The following USP3 variants were observed in gnomAD, a reference collection of about 807,000 sequenced individuals.
USP3 encodes ubiquitin specific peptidase 3.
Under a neutral mutation model 72.3 loss-of-function variants are expected in USP3, and 20 were observed. The observed-to-expected ratio is 0.28, with a 90% CI of 0.19 to 0.40. USP3 has a LOEUF of 0.40. Ranked by LOEUF, USP3 falls within the 10% of genes least tolerant of loss-of-function variation. The pLI is 1.00. For synonymous variants in USP3, 222 were observed against 225.3 expected, an observed-to-expected ratio of 0.99 and a Z score of 0.13; for missense variants, 479 against 633.9, an observed-to-expected ratio of 0.76 and a Z score of 2.62.
chr15:63,520,339 A>G (rs2065903355), intron 1 of USP3, among the ~76,000 whole-genome samples: 1 of 152,118 alleles, frequency 6.6e-6, no homozygotes, highest in Non-Finnish European at 1.5e-5. Context: ...CAATTCTATA[A>G]TCAGAGAAAA....
At position 63,537,060 on chromosome 15, in the gene USP3, A is replaced by G; in HGVS notation, c.188A>G (p.Asp63Gly). The G allele has an allele frequency of 1.2e-6, 2 of 1,614,046 alleles. No homozygotes were observed. The highest frequency in any genetic ancestry group is 1.7e-6 in the Non-Finnish European group (2 of 1,179,968). Residue 63 changes from aspartate (D) to glycine (G), a missense_variant, in exon 3 of 15, where the codon GAT becomes GGT. By Grantham distance (94) the Asp-to-Gly change is moderately conservative (BLOSUM62 -1). Transcript: ENST00000380324. ...VNGHAKKHYE[D>G]AQVPLTNHKK... The stretch of plus-strand genomic sequence containing the variant: ...GGCCATGCAAAAAAACATTATGAAG[A>G]TGCACAAGTACCTTTAACCAACCAT...
chr15:63,513,131 C>A (rs1176172965), intron 1 of USP3, among the ~76,000 whole-genome samples: 8 of 152,184 alleles, frequency 5.3e-5, no homozygotes, highest in Middle Eastern at 6.8e-3. Flanking sequence ...GTTATTTTTT[C>A]TTTGTTCTAG....
Position 63,504,860 on chromosome 15 carries a change from C to T in USP3, c.91+30C>T, listed in dbSNP as rs1353255720. 1.8e-5 allele frequency: 28 copies of T among 1,547,738 alleles called. No homozygotes were observed. In the Admixed American group the frequency reaches 4.4e-4, roughly 24 times the overall value. On this transcript the variant is annotated intron_variant, in intron 1 of 14. Coordinates refer to ENST00000380324, the MANE Select transcript of USP3 (RefSeq NM_006537.4). Reference sequence around the variant, plus strand: ...GTGCGGCCACGGGCCGGCCCCGCAGCGCACCCGAGGCCGCGGCTCTGCCGG... The same window carrying T: ...GTGCGGCCACGGGCCGGCCCCGCAGTGCACCCGAGGCCGCGGCTCTGCCGG...
chr15:63,587,430 A>G (rs2067093210), intron 11 of USP3, among the ~76,000 whole-genome samples: 1 of 152,248 alleles, frequency 6.6e-6, no homozygotes, highest in South Asian at 2.1e-4. Flanking sequence ...TCTTCATTTA[A>G]TGTCATCAGT....
intron 1 of USP3, among the ~76,000 whole-genome samples, chr15:63,517,894 T>TTAC (rs1180647564): frequency 6.6e-6 from 1 of 152,210 alleles, no homozygotes; most frequent in African/African-American, 2.4e-5. Flanking sequence ...TCTTTCTCAC[T>TTAC]TACAAAAAGC....
At chr15:63,505,339 A>T (rs932701835) in intron 1 of USP3, among the ~76,000 whole-genome samples, 1 of 152,134 alleles carries the variant, frequency 6.6e-6, no homozygotes, top group Non-Finnish European at 1.5e-5. Context: ...CCTCCGCCGA[A>T]CCCGGCCCGG....
intron 8 of USP3, among the ~76,000 whole-genome samples, chr15:63,564,186 A>C (rs2066650877): frequency 6.6e-6 from 1 of 152,186 alleles, no homozygotes; most frequent in Non-Finnish European, 1.5e-5. Flanking sequence ...ACATTTATTG[A>C]ATGCCTACTG....
rs1490340039 is a variant in USP3 at position 63,547,882 on chromosome 15, GAGA to G, written c.285-5832_285-5830del. Reference sequence around the variant, plus strand: ...AGAGAGGCATAGAGAGAGAGAGAGAGAGAGAGAGAGAGAGGCATAGAGAGAGGC... The same window carrying G: ...AGAGAGGCATAGAGAGAGAGAGAGAGGAGAGAGAGAGGCATAGAGAGAGGC... On this transcript the variant is annotated intron_variant, in intron 3 of 14. Transcript: ENST00000380324. 2.6e-3 allele frequency among the ~76,000 whole-genome samples: 246 copies of G among 93,042 alleles called. 27 individuals carry two copies. Among genetic ancestry groups the G allele is most frequent in the African/African-American group, 0.01 (238 of 22,730 alleles). 61.0% of individuals were successfully genotyped at this position (93,042 alleles called of 152,430 possible). A position where few individuals can be genotyped will look rare whatever the true frequency, so the allele number is the denominator to read the frequency against.
chr15:63,583,643 T>G (rs1354870057), intron 11 of USP3, among the ~76,000 whole-genome samples: 1 of 152,214 alleles, frequency 6.6e-6, no homozygotes. Context: ...AACTCATTAC[T>G]TTTCCTCTCT....
chr15:63,567,579 C>G (rs1159800152), intron 8 of USP3, among the ~76,000 whole-genome samples: 2 of 152,114 alleles, frequency 1.3e-5, no homozygotes, highest in African/African-American at 4.8e-5. Context: ...ATCTCCTGAC[C>G]TCATGATCTG....
intron 1 of USP3, among the ~76,000 whole-genome samples, chr15:63,523,155 G>T (rs918925135): frequency 5.3e-5 from 8 of 152,144 alleles, no homozygotes; most frequent in Non-Finnish European, 8.8e-5. Context: ...TTGGTGTTTT[G>T]AATATAATTT....
chr15:63,562,003 T>A (rs1384059570), intron 7 of USP3, among the ~76,000 whole-genome samples: 1 of 152,180 alleles, frequency 6.6e-6, no homozygotes, highest in Non-Finnish European at 1.5e-5. Flanking sequence ...TCAGAGGCTG[T>A]CTGTCTAGGG....
intron 14 of USP3, 113 bp downstream of exon 14, chr15:63,589,124 T>C: frequency 8.0e-7 from 1 of 1,248,242 alleles, no homozygotes; most frequent in Non-Finnish European, 1.2e-6. Flanking sequence ...TCAGATAAAG[T>C]AGGTGAAATT....
rs562449654 is a variant in USP3, at chr15:63,562,307, G to A, written c.648-588G>A. ...GGGTGATAGGAGAGGTGTACAGAGA[G>A]CAGTAGATGCTGGAGCCGGTCAGTG... On this transcript the variant is annotated intron_variant, in intron 7 of 14. Transcript: ENST00000380324. Among the ~76,000 whole-genome samples, 3 of 152,308 alleles carry A rather than the reference G, an allele frequency of 2.0e-5. No homozygotes were observed. In the South Asian group the frequency reaches 6.2e-4, roughly 32 times the overall value.
rs553344164 is a variant in USP3 at position 63,571,351 on chromosome 15, A to G, written c.908+772A>G. ...TCATTGTATTGCCTGGCAGTCCATAAATCGGATGTGGTAGGACTACTTCTT... is the reference window on the plus strand; with the variant it reads ...TCATTGTATTGCCTGGCAGTCCATAGATCGGATGTGGTAGGACTACTTCTT... On this transcript the variant is annotated intron_variant, in intron 9 of 14. Transcript: ENST00000380324. 3.3e-5 allele frequency among the ~76,000 whole-genome samples: 5 copies of G among 152,298 alleles called. No homozygotes were observed. In the East Asian group the frequency reaches 7.7e-4, roughly 23 times the overall value.
chr15:63,517,671 G>A (rs2065870152), intron 1 of USP3, among the ~76,000 whole-genome samples: 1 of 152,096 alleles, frequency 6.6e-6, no homozygotes, highest in East Asian at 1.9e-4. Context: ...TCTGGGAGGT[G>A]GGCACCTGGC....
At chr15:63,575,520 G>A (rs2066849342) in intron 11 of USP3, among the ~76,000 whole-genome samples, 1 of 152,134 alleles carries the variant, frequency 6.6e-6, no homozygotes, top group South Asian at 2.1e-4. Context: ...TGATATGTGG[G>A]ATGACTAGAC....
chr15:63,585,122 T>C (rs906926453), intron 11 of USP3, among the ~76,000 whole-genome samples: 2 of 152,236 alleles, frequency 1.3e-5, no homozygotes, highest in Non-Finnish European at 1.5e-5. Context: ...CCTGTTTTGA[T>C]TACTATACCT....
intron 1 of USP3, among the ~76,000 whole-genome samples, chr15:63,506,029 C>G (rs543088710): frequency 3.9e-5 from 6 of 152,264 alleles, no homozygotes; most frequent in Admixed American, 2.0e-4. Flanking sequence ...AAAATGTACT[C>G]TGGGATAAGG....
Sources: allele counts gnomAD v4.1 joint callset (sites outside exome capture counted in the v4.1 genomes callset), GRCh38; gene constraint gnomAD v4.1.1; transcripts MANE v1.5; gene names NCBI Gene and HGNC (gene_info 2026-07-23, HGNC 2026-07-21).